The following DGKI variants were observed in gnomAD, a reference collection of about 807,000 sequenced individuals.
DGKI encodes DAG kinase iota.
A neutral mutation model predicts 147.5 loss-of-function variants in DGKI; 55 were observed. The ratio of observed to expected loss-of-function variants is 0.37; its 90% CI spans 0.30 to 0.47. The LOEUF is 0.47. Among genes scored for constraint, DGKI ranks in the 20% least tolerant of loss-of-function variants. The pLI is 1.00. For missense variants in DGKI, 1,007 were observed against 1,323.8 expected, an observed-to-expected ratio of 0.76 and a Z score of 3.71; for synonymous variants, 469 against 477.1, an observed-to-expected ratio of 0.98 and a Z score of 0.22.
intron 2 of DGKI, among the ~76,000 whole-genome samples, chr7:137,682,138 T>C (rs1304453391): frequency 6.6e-6 from 1 of 152,138 alleles, no homozygotes; most frequent in Non-Finnish European, 1.5e-5. Context: ...TTACTGAAGC[T>C]GAGTGTGGTC....
chr7:137,668,536 A>G (rs1270100261), intron 3 of DGKI, among the ~76,000 whole-genome samples: 3 of 152,200 alleles, frequency 2.0e-5, no homozygotes, highest in African/African-American at 4.8e-5. Context: ...CATTCATTCA[A>G]TGTTAAGTAA....
chr7:137,433,399 T>C (rs927407558), intron 28 of DGKI, among the ~76,000 whole-genome samples: 1 of 152,184 alleles, frequency 6.6e-6, no homozygotes, highest in Non-Finnish European at 1.5e-5. Context: ...CAGCCAGTCC[T>C]TTGCAAGAGG....
intron 28 of DGKI, among the ~76,000 whole-genome samples, chr7:137,415,673 G>C (rs2128903283): frequency 6.6e-6 from 1 of 152,308 alleles, no homozygotes; most frequent in South Asian, 2.1e-4. Context: ...AACACACACA[G>C]AAGTTCAAAA....
intron 20 of DGKI, among the ~76,000 whole-genome samples, chr7:137,528,990 T>C (rs1817245374): frequency 6.6e-6 from 1 of 152,184 alleles, no homozygotes; most frequent in Non-Finnish European, 1.5e-5. Context: ...CCACCAAAGC[T>C]AGATGCATAT....
intron 28 of DGKI, among the ~76,000 whole-genome samples, chr7:137,418,359 G>A (rs1055585033): frequency 6.6e-5 from 10 of 152,160 alleles, no homozygotes; most frequent in Admixed American, 5.9e-4. Context: ...AGAGCAGCAG[G>A]GAGAACTGAT....
intron 1 of DGKI, among the ~76,000 whole-genome samples, chr7:137,757,082 A>G (rs558758708): frequency 6.6e-6 from 1 of 152,096 alleles, no homozygotes; most frequent in South Asian, 2.1e-4. Context: ...ATCCTCTCCA[A>G]AATAAAGGCA....
chr7:137,778,490 G>A (rs974411958), intron 1 of DGKI, among the ~76,000 whole-genome samples: 9 of 152,126 alleles, frequency 5.9e-5, no homozygotes, highest in African/African-American at 2.2e-4. Context: ...GTGTGTTACA[G>A]GGAGATGAAA....
At chr7:137,412,074 A>G in intron 29 of DGKI, 96 bp downstream of exon 29, 1 of 1,217,186 alleles carries the variant, frequency 8.2e-7, no homozygotes. Context: ...GCAGGGGATG[A>G]TAAATGATAG....
At chr7:137,813,326 C>T (rs938942704) in intron 1 of DGKI, among the ~76,000 whole-genome samples, 1 of 152,166 alleles carries the variant, frequency 6.6e-6, no homozygotes, top group Non-Finnish European at 1.5e-5. Flanking sequence ...GTTTGGCAAG[C>T]TGACAGCCTT....
chr7:137,654,832 C>T (rs1328430181), intron 4 of DGKI, 44 bp from the exon 5 acceptor site: 1 of 1,213,730 alleles, frequency 8.2e-7, no homozygotes, highest in Non-Finnish European at 1.2e-6. Context: ...AGATAAGCAT[C>T]AGACTAGACT....
chr7:137,588,581 A>G (rs1327938473), intron 12 of DGKI, among the ~76,000 whole-genome samples: 6 of 147,726 alleles, frequency 4.1e-5, no homozygotes, highest in African/African-American at 1.5e-4. Flanking sequence ...GGTTCACGCC[A>G]TTCTCCTGCC....
At chr7:137,844,602 T>C (rs1022108288) in intron 1 of DGKI, among the ~76,000 whole-genome samples, 11 of 152,202 alleles carry the variant, frequency 7.2e-5, no homozygotes, top group Non-Finnish European at 1.5e-4. Flanking sequence ...TATGTAAGGA[T>C]TGTAAAGCAG....
At chr7:137,775,666 C>T (rs1796341800) in intron 1 of DGKI, among the ~76,000 whole-genome samples, 1 of 152,140 alleles carries the variant, frequency 6.6e-6, no homozygotes, top group Admixed American at 6.5e-5. Flanking sequence ...CAAAAGTATG[C>T]ACCGAAGCAG....
intron 2 of DGKI, among the ~76,000 whole-genome samples, chr7:137,680,417 A>G (rs1281279770): frequency 6.6e-6 from 1 of 152,238 alleles, no homozygotes; most frequent in African/African-American, 2.4e-5. Flanking sequence ...CACTTTTATT[A>G]TAACCTACTC....
intron 1 of DGKI, chr7:137,771,748 C>T (rs1451781223): frequency 6.6e-6 from 1 of 152,170 alleles, no homozygotes; most frequent in Admixed American, 6.5e-5. Flanking sequence ...CAGATTCATT[C>T]AAATATGTCT....
At chr7:137,699,246 C>G (rs149412151) in intron 1 of DGKI, among the ~76,000 whole-genome samples, 333 of 152,330 alleles carry the variant, frequency 2.2e-3, no homozygotes, top group African/African-American at 7.6e-3. Flanking sequence ...CTATTCACCT[C>G]TCAAAAGGCC....
intron 30 of DGKI, among the ~76,000 whole-genome samples, chr7:137,403,213 C>G (rs1412993388): frequency 6.6e-6 from 1 of 152,144 alleles, no homozygotes; most frequent in African/African-American, 2.4e-5. Flanking sequence ...CTCTTCCTCC[C>G]CGAGTCTCTT....
intron 23 of DGKI, among the ~76,000 whole-genome samples, chr7:137,481,309 T>C (rs28652760): frequency 0.034 from 5,148 of 152,222 alleles, 296 homozygotes; most frequent in African/African-American, 0.12. Flanking sequence ...AGGGATATCA[T>C]GATTTCGAGG....
At chr7:137,588,435 T>C (rs574052123) in intron 12 of DGKI, among the ~76,000 whole-genome samples, 1 of 150,132 alleles carries the variant, frequency 6.7e-6, no homozygotes, top group East Asian at 2.0e-4. Flanking sequence ...AAGATTGCTC[T>C]CCAGGAGTTC....
Sources: gnomAD v4.1 joint callset for allele counts (sites outside exome capture counted in the v4.1 genomes callset) on GRCh38, gnomAD v4.1.1 for gene constraint, MANE v1.5 for transcripts, NCBI Gene and HGNC (gene_info 2026-07-23, HGNC 2026-07-21) for gene names.